FMN1: variants seen among roughly 807,000 people sequenced by gnomAD.
The protein encoded by FMN1 is formin-1.
Under a neutral mutation model 132.4 loss-of-function variants are expected in FMN1, and 110 were observed. The ratio of observed to expected loss-of-function variants is 0.83; its 90% confidence interval spans 0.71 to 0.97. FMN1 has a LOEUF of 0.97. Among genes scored for constraint, FMN1 ranks in the 50% least tolerant of loss-of-function variants. The probability of loss-of-function intolerance (pLI) is 0.00; values close to 1 mark genes in which losing one functional copy is unlikely to be tolerated. For synonymous variants in FMN1, 722 were observed against 651.7 expected, an observed-to-expected ratio of 1.11 and a Z score of -1.64; for missense variants, 1,792 against 1,705.3, an observed-to-expected ratio of 1.05 and a Z score of -0.90.
At chr15:33,018,082 AAAT>A (rs1282937225) in intron 6 of FMN1, among the ~76,000 whole-genome samples, 9 of 144,670 alleles carry the variant, frequency 6.2e-5, no homozygotes, top group Middle Eastern at 3.6e-3. Flanking sequence ...AAAAAAAAAA[AAAT>A]TTATATGTTA....
intron 15 of FMN1, among the ~76,000 whole-genome samples, chr15:32,890,658 T>C (rs142079901): frequency 1.4e-4 from 21 of 152,356 alleles, no homozygotes; most frequent in African/African-American, 5.0e-4. Context: ...TTCTGGATAC[T>C]AGTCCTTTGT....
At chr15:33,081,830 G>C (rs140779475) in intron 5 of FMN1, among the ~76,000 whole-genome samples, 61 of 152,234 alleles carry the variant, frequency 4.0e-4, no homozygotes, top group African/African-American at 1.4e-3. Flanking sequence ...TCTTATTACC[G>C]TTTAGACAGT....
chr15:32,871,056 CTG>C (rs2059504124), intron 16 of FMN1, among the ~76,000 whole-genome samples: 1 of 152,136 alleles, frequency 6.6e-6, no homozygotes, highest in Non-Finnish European at 1.5e-5. Flanking sequence ...TCGAGGTGGA[CTG>C]TGTGGCAGGG....
At chr15:32,841,634 T>C (rs1293628947) in intron 17 of FMN1, among the ~76,000 whole-genome samples, 3 of 152,144 alleles carry the variant, frequency 2.0e-5, no homozygotes, top group Non-Finnish European at 4.4e-5. Flanking sequence ...TGTGTTTCAG[T>C]AGGCATGTAA....
At chr15:32,934,580 T>G (rs2061211210) in intron 9 of FMN1, among the ~76,000 whole-genome samples, 1 of 151,430 alleles carries the variant, frequency 6.6e-6, no homozygotes, top group African/African-American at 2.4e-5. Context: ...CTTTTGTTTC[T>G]GAAAGACAAT....
chr15:32,946,797 G>A (rs1284869024), intron 9 of FMN1, among the ~76,000 whole-genome samples: 1 of 152,162 alleles, frequency 6.6e-6, no homozygotes, highest in Non-Finnish European at 1.5e-5. Context: ...GTGGAGACAG[G>A]AATGGTTAAG....
At position 32,900,065 on chromosome 15, in the gene FMN1, A is replaced by G. The variant is rs1326739805; in HGVS notation, c.3568T>C (p.Tyr1190His). The change falls in exon 14 of 21, where the codon TAT becomes CAT. Residue 1190 changes from tyrosine (Y) to histidine (H), a missense_variant. Tyr to His is a moderately conservative substitution (Grantham distance 83). Transcript: ENST00000616417. ...ILALILAFGN[Y>H]MNGGNRTRGQ... ...CGAGTCCTATTTCCTCCATTCATAT[A>G]ATTTCCAAAAGCCAAGATGAGAGCT... is the stretch of plus-strand genomic sequence containing the variant. 2 of 1,613,794 alleles carry G rather than the reference A, an allele frequency of 1.2e-6. No individual in the cohort carries two copies. Among genetic ancestry groups the G allele is most frequent in the Non-Finnish European group, 1.7e-6 (2 of 1,179,878 alleles).
At position 32,823,580 on chromosome 15, in the gene FMN1, C is replaced by CA. The variant is rs140230041; in HGVS notation, c.3929-19249dup. ...AGAAAACTGCTTAAATTTCAAAACT[C>CA]AAAGTTTTAAGTTTCCTCTCACATA... On this transcript the variant is annotated intron_variant, in intron 17 of 20. Coordinates refer to ENST00000616417, the MANE Select transcript of FMN1 (RefSeq NM_001277313.2). 4.0e-3 allele frequency among the ~76,000 whole-genome samples: 605 copies of CA among 152,290 alleles called. 18 individuals are homozygous for CA. In the East Asian group the frequency reaches 0.085, roughly 21 times the overall value.
At chr15:32,788,274 C>T (rs1307093573) in intron 19 of FMN1, among the ~76,000 whole-genome samples, 1 of 152,234 alleles carries the variant, frequency 6.6e-6, no homozygotes, top group Non-Finnish European at 1.5e-5. Context: ...GTAACAGCAT[C>T]GCATTCATTT....
At chr15:33,099,437 C>A (rs958323632) in intron 4 of FMN1, among the ~76,000 whole-genome samples, 20 of 152,176 alleles carry the variant, frequency 1.3e-4, no homozygotes, top group Non-Finnish European at 5.9e-5. Flanking sequence ...GTGATTGCTA[C>A]ATGATGCTCA....
intron 9 of FMN1, among the ~76,000 whole-genome samples, chr15:32,942,042 C>T (rs918118360): frequency 2.0e-5 from 3 of 152,124 alleles, no homozygotes; most frequent in African/African-American, 4.8e-5. Context: ...TCACAGGTTG[C>T]GTTAAACCCT....
intron 7 of FMN1, among the ~76,000 whole-genome samples, chr15:32,987,184 A>C (rs1421242629): frequency 6.6e-6 from 1 of 152,162 alleles, no homozygotes; most frequent in Non-Finnish European, 1.5e-5. Flanking sequence ...TTCAAAGGTT[A>C]ATACCTAACC....
intron 3 of FMN1, among the ~76,000 whole-genome samples, chr15:33,174,556 T>C (rs1965447999): frequency 6.6e-6 from 1 of 152,226 alleles, no homozygotes; most frequent in African/African-American, 2.4e-5. Context: ...AAATTTTTCG[T>C]TTCAAATACA....
chr15:32,900,700 C>T (rs2060273934), intron 13 of FMN1, among the ~76,000 whole-genome samples: 1 of 152,126 alleles, frequency 6.6e-6, no homozygotes, highest in Admixed American at 6.5e-5. Flanking sequence ...GTTGTATTGT[C>T]TATTAACTTT....
intron 4 of FMN1, among the ~76,000 whole-genome samples, chr15:33,144,725 T>C (rs1432408888): frequency 6.6e-6 from 1 of 150,914 alleles, no homozygotes; most frequent in African/African-American, 2.4e-5. Flanking sequence ...GTAAGTGCCT[T>C]AAAAAACAAG....
chr15:33,162,056 C>G (rs28710924), intron 3 of FMN1, among the ~76,000 whole-genome samples: 123,023 of 151,860 alleles, frequency 0.81, 50,503 homozygotes, highest in Middle Eastern at 0.91. Flanking sequence ...CTGTCACCCA[C>G]GCTGCAGTGC....
At chr15:32,934,923 TTTTC>T (rs1404134658) in intron 9 of FMN1, among the ~76,000 whole-genome samples, 2 of 147,608 alleles carry the variant, frequency 1.4e-5, no homozygotes, top group African/African-American at 5.2e-5. Flanking sequence ...CAATTTTTCT[TTTTC>T]TTTTTTTTTT....
chr15:32,937,055 G>A (rs1001030575), intron 9 of FMN1, among the ~76,000 whole-genome samples: 2 of 152,164 alleles, frequency 1.3e-5, no homozygotes, highest in Admixed American at 6.5e-5. Context: ...CGGATGCTCC[G>A]ACTTTTTCCT....
intron 5 of FMN1, among the ~76,000 whole-genome samples, chr15:33,087,437 T>G (rs1230435671): frequency 1.3e-5 from 2 of 152,134 alleles, no homozygotes; most frequent in Non-Finnish European, 2.9e-5. Flanking sequence ...GCCCAGCTTC[T>G]CAGGAGGCTG....
Sources: allele counts gnomAD v4.1 joint callset (sites outside exome capture counted in the v4.1 genomes callset), GRCh38; gene constraint gnomAD v4.1.1; transcripts MANE v1.5; gene names NCBI Gene and HGNC (gene_info 2026-07-23, HGNC 2026-07-21).